The following C9orf43 variants were observed in gnomAD, a reference collection of about 807,000 sequenced individuals.
C9orf43 encodes chromosome 9 open reading frame 43.
Under a neutral mutation model 59.1 loss-of-function variants are expected in C9orf43, and 45 were observed. That is an observed-to-expected ratio of 0.76 (90% CI 0.60 to 0.98). C9orf43 has a LOEUF of 0.98. C9orf43 is among the 50% of genes least tolerant of loss of function. C9orf43 has a pLI of 0.00. For synonymous variants in C9orf43, 203 were observed against 196.8 expected (o/e 1.03, Z -0.26); for missense variants, 533 against 554.9 (o/e 0.96, Z 0.40).
intron 6 of C9orf43, 61 bp from the exon 7 acceptor site, chr9:113,423,265 A>G: frequency 1.3e-6 from 2 of 1,540,558 alleles, no homozygotes; most frequent in African/African-American, 1.4e-5. Context: ...TAGAATGTTG[A>G]TGGAAAGGAC....
chr9:113,421,281 C>G, intron 5 of C9orf43, 78 bp downstream of exon 5: 1 of 1,065,364 alleles, frequency 9.4e-7, no homozygotes, highest in South Asian at 1.3e-5. Context: ...TTTTTGTGAT[C>G]TCCCATTTAG....
chr9:113,423,438 G>C lies in C9orf43; in HGVS notation c.596G>C (p.Ser199Thr). The change falls in exon 7 of 14, where the codon AGT becomes ACT. Residue 199 changes from serine to threonine, a missense_variant. Physicochemically the swap from Ser to Thr is moderately conservative, Grantham distance 58 (BLOSUM62 1). Transcript: ENST00000374165. ...PTPVQLSEQF[S>T]SDFLPLWAQS... ...CCAGTGCAATTGTCTGAACAATTCA[G>C]TTCAGATTTCCTACCTCTCTGGGCT... 1 of 1,614,094 alleles carries C rather than the reference G, an allele frequency of 6.2e-7. No individual in the cohort carries two copies. The highest frequency in any genetic ancestry group is 1.3e-5 in the African/African-American group (1 of 75,024).
At chr9:113,412,615 G>A (rs963699280) in intron 1 of C9orf43, among the ~76,000 whole-genome samples, 4 of 152,214 alleles carry the variant, frequency 2.6e-5, no homozygotes, top group African/African-American at 9.6e-5. Flanking sequence ...ATGAATAAAA[G>A]TACATTATCT....
intron 4 of C9orf43, among the ~76,000 whole-genome samples, chr9:113,420,363 A>G (rs1420216743): frequency 6.6e-6 from 1 of 152,212 alleles, no homozygotes; most frequent in Non-Finnish European, 1.5e-5. Context: ...AAAGTGCATG[A>G]GTTGTCATGC....
chr9:113,427,906 T>A lies in C9orf43; in HGVS notation c.1031-241T>A, dbSNP rs530746875. Among the ~76,000 whole-genome samples the A allele has an allele frequency of 9.1e-4, 138 of 152,332 alleles. 1 individual carries two copies. Among genetic ancestry groups the A allele is most frequent in the Middle Eastern group, 3.4e-3 (1 of 294 alleles). On this transcript the variant is annotated intron_variant, in intron 11 of 13. Coordinates refer to ENST00000374165, the MANE Select transcript of C9orf43 (RefSeq NM_001278629.2). ...AGTAGATTAGGGTTTCTTGGAGGAA[T>A]CCTGGGTCTTTTAACACACACTTGA...
chr9:113,424,824 C>A (rs1828721555), intron 8 of C9orf43, among the ~76,000 whole-genome samples, 195 bp from the exon 9 acceptor site: 1 of 152,190 alleles, frequency 6.6e-6, no homozygotes, highest in African/African-American at 2.4e-5. Flanking sequence ...CCATGCCTGG[C>A]CATGTTCTCT....
At chr9:113,411,895 C>G (rs1828176299) in intron 1 of C9orf43, among the ~76,000 whole-genome samples, 1 of 152,078 alleles carries the variant, frequency 6.6e-6, no homozygotes, top group Non-Finnish European at 1.5e-5. Context: ...CCAGGCTGGT[C>G]TCGAACTCCA....
intron 1 of C9orf43, among the ~76,000 whole-genome samples, chr9:113,412,181 TG>T (rs1828190811): frequency 6.6e-6 from 1 of 152,246 alleles, no homozygotes; most frequent in Non-Finnish European, 1.5e-5. Flanking sequence ...AGAACAGACC[TG>T]GCTGAAACCA....
chr9:113,422,010 C>T (rs1828592198), intron 5 of C9orf43, among the ~76,000 whole-genome samples: 1 of 152,170 alleles, frequency 6.6e-6, no homozygotes, highest in Non-Finnish European at 1.5e-5. Flanking sequence ...CCATGGATTC[C>T]AACTTCTAAG....
chr9:113,415,028 C>T (rs1170594462), intron 3 of C9orf43, among the ~76,000 whole-genome samples: 1 of 152,118 alleles, frequency 6.6e-6, no homozygotes, highest in African/African-American at 2.4e-5. Context: ...GACAGAGTTT[C>T]ACCATGTTGG....
At chr9:113,415,065 C>G (rs1350834592) in intron 3 of C9orf43, among the ~76,000 whole-genome samples, 1 of 151,910 alleles carries the variant, frequency 6.6e-6, no homozygotes, top group Non-Finnish European at 1.5e-5. Context: ...CTCGTGACCT[C>G]AAGTGATCCA....
chr9:113,416,246 T>C (rs903623895), intron 3 of C9orf43, among the ~76,000 whole-genome samples: 3 of 152,240 alleles, frequency 2.0e-5, no homozygotes, highest in Non-Finnish European at 4.4e-5. Context: ...TCCAAAAATA[T>C]TGCTTTGTTC....
intron 12 of C9orf43, among the ~76,000 whole-genome samples, chr9:113,428,667 TTGGAGGCCGTCTGCCCTTAGTTGAC>T (rs1340397665): frequency 6.6e-6 from 1 of 152,126 alleles, no homozygotes; most frequent in Admixed American, 6.6e-5. Flanking sequence ...GAAGCCATCT[TTGGAGGCCGTCTGCCCTTAGTTGAC>T]TGCAGGGAAT....
rs1828246034 is a variant in C9orf43 at position 113,413,463 on chromosome 9, G to A, written c.-31G>A. 6 of 1,599,800 alleles carry A rather than the reference G, an allele frequency of 3.8e-6. No homozygotes were observed. The highest frequency in any genetic ancestry group is 3.4e-6 in the Non-Finnish European group (4 of 1,168,712). On this transcript the variant is annotated 5_prime_UTR_variant, in exon 2 of 14. Transcript: ENST00000374165. The stretch of plus-strand genomic sequence containing the variant: ...TTTCCAGAGCACTAGAATGCTGCAG[G>A]GTTGGCCTTTGGCCTAAACCATTTC...
chr9:113,420,620 A>G (rs922075650), intron 4 of C9orf43: 6 of 257,756 alleles, frequency 2.3e-5, no homozygotes, highest in African/African-American at 1.4e-4. Flanking sequence ...AGGATCCTAA[A>G]TAGCTAAATG....
rs535381522 is a variant in C9orf43 at position 113,417,678 on chromosome 9, G to T, written c.288-1430G>T. On this transcript the variant is annotated intron_variant, in intron 3 of 13. Coordinates refer to ENST00000374165, the MANE Select transcript of C9orf43 (RefSeq NM_001278629.2). ...GTCTAGTGAAATGGGGGTTGTAGGT[G>T]GGAGGTTGGCAGGAAGCGAGTTCTA... is the stretch of plus-strand genomic sequence containing the variant. 8.8e-4 allele frequency among the ~76,000 whole-genome samples: 134 copies of T among 152,326 alleles called. 1 individual carries two copies. Among genetic ancestry groups the T allele is most frequent in the African/African-American group, 3.2e-3 (131 of 41,574 alleles).
At chr9:113,414,251 T>C (rs1828277754) in intron 3 of C9orf43, among the ~76,000 whole-genome samples, 1 of 152,084 alleles carries the variant, frequency 6.6e-6, no homozygotes, top group African/African-American at 2.4e-5. Context: ...TAGATGGTAA[T>C]TTTTTATACC....
At chr9:113,414,217 G>C (rs1416863593) in intron 3 of C9orf43, among the ~76,000 whole-genome samples, 1 of 152,090 alleles carries the variant, frequency 6.6e-6, no homozygotes, top group Non-Finnish European at 1.5e-5. Context: ...AAGACTGTTT[G>C]CTTTTGAGAC....
chr9:113,429,171 G>T lies in C9orf43; in HGVS notation c.1172-1G>T. 1 of 1,613,666 alleles carries T rather than the reference G, an allele frequency of 6.2e-7. No homozygotes were observed. Among genetic ancestry groups the T allele is most frequent in the Non-Finnish European group, 8.5e-7 (1 of 1,179,692 alleles). ...CAATTAATGACTGCATCTTCTTTTA[G>T]GTCCTGAATTGTATGAAACAGAACC... On this transcript the variant is annotated splice_acceptor_variant, in intron 13 of 13. Coordinates refer to ENST00000374165, the MANE Select transcript of C9orf43 (RefSeq NM_001278629.2). LOFTEE classifies it high-confidence loss of function.
Sources: allele counts gnomAD v4.1 joint callset (sites outside exome capture counted in the v4.1 genomes callset), GRCh38; gene constraint gnomAD v4.1.1; transcripts MANE v1.5; gene names NCBI Gene and HGNC (gene_info 2026-07-23, HGNC 2026-07-21).